OSBPL6: variants seen among roughly 807,000 people sequenced by gnomAD.
OSBPL6 encodes oxysterol binding protein like 6, also known as oxysterol-binding protein-related protein 6.
OSBPL6 carries 49 observed loss-of-function variants against 125.8 expected under a neutral mutation model. The observed-to-expected ratio is 0.39, with a 90% confidence interval of 0.31 to 0.49. The LOEUF (loss-of-function observed/expected upper bound fraction) is 0.49. Ranked by LOEUF, OSBPL6 falls within the 20% of genes least tolerant of loss-of-function variation. The probability of loss-of-function intolerance (pLI) is 0.88; values close to 1 mark genes in which losing one functional copy is unlikely to be tolerated. For missense variants in OSBPL6, 986 were observed against 1,135.4 expected (o/e 0.87, Z 1.89); for synonymous variants, 394 against 391.8 (o/e 1.01, Z -0.07).
intron 2 of OSBPL6, among the ~76,000 whole-genome samples, chr2:178,287,993 T>C (rs1684873509): frequency 6.6e-6 from 1 of 151,028 alleles, no homozygotes; most frequent in African/African-American, 2.4e-5. Context: ...AACTAACCAG[T>C]GAGCAAAAAT....
chr2:178,240,445 G>A (rs956106534), intron 1 of OSBPL6, among the ~76,000 whole-genome samples: 4 of 152,214 alleles, frequency 2.6e-5, no homozygotes, highest in South Asian at 2.1e-4. Flanking sequence ...GGTGCACACC[G>A]TAGTTTCAGC....
intron 1 of OSBPL6, among the ~76,000 whole-genome samples, chr2:178,203,251 C>T (rs993419361): frequency 6.6e-6 from 1 of 152,000 alleles, no homozygotes; most frequent in Non-Finnish European, 1.5e-5. Context: ...ACTGTGTTGC[C>T]CAGGCTAGAC....
chr2:178,231,989 A>G (rs1309727138), intron 1 of OSBPL6, among the ~76,000 whole-genome samples: 3 of 152,266 alleles, frequency 2.0e-5, no homozygotes, highest in East Asian at 3.9e-4. Context: ...TTTGATAATC[A>G]TCTTAGGGGT....
At chr2:178,270,830 G>A (rs1376048274) in intron 1 of OSBPL6, among the ~76,000 whole-genome samples, 2 of 152,144 alleles carry the variant, frequency 1.3e-5, no homozygotes, top group Non-Finnish European at 2.9e-5. Context: ...AAAGTTTACA[G>A]TACTAGGCCC....
At chr2:178,298,706 G>GT (rs760113201) in intron 2 of OSBPL6, among the ~76,000 whole-genome samples, 17,783 of 134,462 alleles carry the variant, frequency 0.13, 1,194 homozygotes, top group African/African-American at 0.19. Flanking sequence ...TTTTTTTTTT[G>GT]TTTTTTTTTT....
chr2:178,228,501 C>T (rs534064355), intron 1 of OSBPL6, among the ~76,000 whole-genome samples: 1 of 152,184 alleles, frequency 6.6e-6, no homozygotes, highest in Non-Finnish European at 1.5e-5. Flanking sequence ...TGCCACTGCA[C>T]TCCGGCCAGG....
rs113632591 is a variant in OSBPL6, at chr2:178,207,977, A to G, written c.-351+13303A>G. On this transcript the variant is annotated intron_variant, in intron 1 of 24. Coordinates refer to ENST00000190611, the MANE Select transcript of OSBPL6 (RefSeq NM_032523.4). ...CTTGTGTGCCAGTGTGACAATTAGC[A>G]AAGTTTTATTAGAAATAAAGTGCCG... is the stretch of plus-strand genomic sequence containing the variant. Among the ~76,000 whole-genome samples, 208 of 152,290 alleles carry G rather than the reference A, an allele frequency of 1.4e-3. 1 individual carries two copies. Among genetic ancestry groups the G allele is most frequent in the African/African-American group, 4.5e-3 (186 of 41,574 alleles).
At chr2:178,251,342 G>C (rs1284881305) in intron 1 of OSBPL6, among the ~76,000 whole-genome samples, 1 of 151,604 alleles carries the variant, frequency 6.6e-6, no homozygotes. Flanking sequence ...GTCAGACTTA[G>C]CAACGGTTAC....
At chr2:178,321,963 T>C (rs142511362) in intron 3 of OSBPL6, among the ~76,000 whole-genome samples, 22 of 152,286 alleles carry the variant, frequency 1.4e-4, no homozygotes, top group Admixed American at 3.9e-4. Context: ...GGTACTGTGG[T>C]AGGTATTTTA....
chr2:178,209,444 T>C lies in OSBPL6; in HGVS notation c.-351+14770T>C, dbSNP rs1039082056. ...AATTTCTTCTTTCTTTCTTTCTTTT[T>C]TTTTTTTTTTTTTTTAGCATCCCTT... On this transcript the variant is annotated intron_variant, in intron 1 of 24. Transcript: ENST00000190611. Among the ~76,000 whole-genome samples the C allele has an allele frequency of 1.2e-3, 180 of 148,628 alleles. 1 individual carries two copies. Among genetic ancestry groups the C allele is most frequent in the South Asian group, 4.4e-3 (21 of 4,728 alleles).
intron 10 of OSBPL6, 68 bp from the exon 11 acceptor site, chr2:178,339,604 G>A (rs1690017115): frequency 7.7e-7 from 1 of 1,300,038 alleles, no homozygotes; most frequent in South Asian, 1.6e-5. Context: ...CTGTGCTCTT[G>A]TCTATATCTG....
chr2:178,282,864 G>A (rs1449047008), intron 1 of OSBPL6, among the ~76,000 whole-genome samples: 1 of 152,138 alleles, frequency 6.6e-6, no homozygotes, highest in Non-Finnish European at 1.5e-5. Context: ...TGTTGGCCAA[G>A]CTGGTCTCGA....
At chr2:178,294,470 A>G (rs1205691472) in intron 2 of OSBPL6, among the ~76,000 whole-genome samples, 1 of 152,202 alleles carries the variant, frequency 6.6e-6, no homozygotes, top group East Asian at 1.9e-4. Context: ...TTTGAAAGGT[A>G]CAATTAAGCT....
At chr2:178,337,369 C>A (rs961800393) in intron 9 of OSBPL6, among the ~76,000 whole-genome samples, 15 of 152,038 alleles carry the variant, frequency 9.9e-5, no homozygotes, top group Non-Finnish European at 1.9e-4. Context: ...AGAATTTTTT[C>A]TTACTCTACC....
At chr2:178,330,995 A>G (rs1360819889) in intron 5 of OSBPL6, among the ~76,000 whole-genome samples, 1 of 152,224 alleles carries the variant, frequency 6.6e-6, no homozygotes, top group East Asian at 1.9e-4. Flanking sequence ...TTAATGGTAG[A>G]ATGCAAACAT....
intron 1 of OSBPL6, among the ~76,000 whole-genome samples, chr2:178,218,680 A>T (rs1431078309): frequency 1.4e-5 from 2 of 139,130 alleles, no homozygotes; most frequent in Non-Finnish European, 3.0e-5. Flanking sequence ...CCCAGGCTGG[A>T]GGGCAATGGC....
intron 3 of OSBPL6, chr2:178,320,454 T>C (rs1362405407): frequency 6.5e-7 from 1 of 1,549,812 alleles, no homozygotes; most frequent in Non-Finnish European, 8.8e-7. Context: ...AAAACTGACC[T>C]GGAAATTAAC....
chr2:178,262,612 G>A (rs1441991588), intron 1 of OSBPL6, among the ~76,000 whole-genome samples: 1 of 152,196 alleles, frequency 6.6e-6, no homozygotes, highest in Non-Finnish European at 1.5e-5. Flanking sequence ...CTGAAATGCA[G>A]TGTGACAAGA....
chr2:178,234,093 G>A (rs905083989), intron 1 of OSBPL6, among the ~76,000 whole-genome samples: 11 of 152,048 alleles, frequency 7.2e-5, no homozygotes, highest in Non-Finnish European at 1.3e-4. Flanking sequence ...GAAGAAAATG[G>A]AAATATTTTC....
Sources: gnomAD v4.1 joint callset for allele counts (sites outside exome capture counted in the v4.1 genomes callset) on GRCh38, gnomAD v4.1.1 for gene constraint, MANE v1.5 for transcripts, NCBI Gene and HGNC (gene_info 2026-07-23, HGNC 2026-07-21) for gene names.